Variants in GLI2 observed in about 807,000 individuals in gnomAD.
GLI2 encodes the protein GLI family zinc finger 2, also known as transcription activator GLI2.
A neutral mutation model predicts 78.9 loss-of-function variants in GLI2; 22 were observed. The observed-to-expected ratio is 0.28, with a 90% CI of 0.20 to 0.40. The LOEUF (loss-of-function observed/expected upper bound fraction) is 0.40, where lower values mean the gene tolerates loss of function less well. GLI2 is among the 10% of genes least tolerant of loss of function. The pLI is 1.00. For synonymous variants in GLI2, 974 were observed against 963.7 expected (o/e 1.01, Z -0.20); for missense variants, 2,097 against 2,213.2 (o/e 0.95, Z 1.05).
chr2:120,740,826 T>A (rs1201473893), intron 1 of GLI2, among the ~76,000 whole-genome samples: 1 of 152,240 alleles, frequency 6.6e-6, no homozygotes, highest in Non-Finnish European at 1.5e-5. Context: ...ATTCCCTCTT[T>A]GGGCAGCCGA....
At chr2:120,801,069 C>CTAGAATTG (rs1052794576) in intron 2 of GLI2, among the ~76,000 whole-genome samples, 91 of 152,300 alleles carry the variant, frequency 6.0e-4, no homozygotes, top group African/African-American at 2.1e-3. Flanking sequence ...CATTCCACGG[C>CTAGAATTG]TAGAATTGCA....
At chr2:120,935,277 G>T (rs1680144264) in intron 3 of GLI2, among the ~76,000 whole-genome samples, 1 of 152,212 alleles carries the variant, frequency 6.6e-6, no homozygotes, top group Non-Finnish European at 1.5e-5. Context: ...TCTCCAGGGA[G>T]CTCTTCCTTA....
chr2:120,884,684 C>T (rs1225179414), intron 2 of GLI2, among the ~76,000 whole-genome samples: 4 of 152,116 alleles, frequency 2.6e-5, no homozygotes, highest in Non-Finnish European at 5.9e-5. Flanking sequence ...GCTGGGTCCC[C>T]GCAGTTCACC....
chr2:120,976,110 G>A (rs1682445770), intron 9 of GLI2, among the ~76,000 whole-genome samples: 1 of 152,194 alleles, frequency 6.6e-6, no homozygotes, highest in Admixed American at 6.5e-5. Context: ...TCCTTGGTGA[G>A]TGAGTGTCTA....
intron 2 of GLI2, among the ~76,000 whole-genome samples, chr2:120,848,258 C>G (rs971054994): frequency 1.3e-5 from 2 of 152,198 alleles, no homozygotes; most frequent in African/African-American, 2.4e-5. Flanking sequence ...AAGCAGAAGC[C>G]TCCTGCCCTG....
At chr2:120,801,765 T>C (rs4848631) in intron 2 of GLI2, among the ~76,000 whole-genome samples, 79,029 of 152,014 alleles carry the variant, frequency 0.52, 22,390 homozygotes, top group South Asian at 0.7. Flanking sequence ...CAGGCTGGTG[T>C]GGTCAGAGCC....
chr2:120,943,958 G>C (rs1459875337), intron 3 of GLI2, among the ~76,000 whole-genome samples: 1 of 152,178 alleles, frequency 6.6e-6, no homozygotes, highest in Non-Finnish European at 1.5e-5. Context: ...CCTTGGCTCA[G>C]GCGGTGCTCA....
intron 2 of GLI2, among the ~76,000 whole-genome samples, chr2:120,846,404 G>C (rs536152722): frequency 1.9e-3 from 282 of 152,322 alleles, no homozygotes; most frequent in African/African-American, 6.5e-3. Context: ...GAGGTGCCCA[G>C]GTATCTGCAT....
intron 2 of GLI2, among the ~76,000 whole-genome samples, chr2:120,857,017 A>G (rs865810644): frequency 1.8e-4 from 28 of 152,140 alleles, no homozygotes; most frequent in African/African-American, 6.5e-4. Context: ...GTGGAGGGAA[A>G]GCTGGGCAGA....
At chr2:120,958,497 T>C (rs1256909926) in intron 5 of GLI2, among the ~76,000 whole-genome samples, 1 of 152,100 alleles carries the variant, frequency 6.6e-6, no homozygotes, top group Non-Finnish European at 1.5e-5. Context: ...CAGTGACATA[T>C]CGCCCTCGTA....
intron 2 of GLI2, among the ~76,000 whole-genome samples, chr2:120,838,762 T>A (rs1353772436): frequency 1.3e-5 from 2 of 152,246 alleles, no homozygotes; most frequent in Non-Finnish European, 2.9e-5. Context: ...GGTTTAGACA[T>A]GTTTAGATAT....
At chr2:120,860,813 G>A (rs968706468) in intron 2 of GLI2, among the ~76,000 whole-genome samples, 1 of 152,316 alleles carries the variant, frequency 6.6e-6, no homozygotes, top group African/African-American at 2.4e-5. Context: ...ACATGGTGAT[G>A]AGGAAGGAGC....
At chr2:120,928,923 A>G (rs1294470308) in intron 3 of GLI2, among the ~76,000 whole-genome samples, 1 of 152,142 alleles carries the variant, frequency 6.6e-6, no homozygotes, top group Admixed American at 6.5e-5. Context: ...GCTTATCCAG[A>G]TTTGCTCAGT....
chr2:120,837,877 A>C (rs537775376), intron 2 of GLI2, among the ~76,000 whole-genome samples: 40 of 152,176 alleles, frequency 2.6e-4, no homozygotes, highest in African/African-American at 9.2e-4. Flanking sequence ...GTGCCATCTC[A>C]CATTGTCTTA....
chr2:120,830,983 CT>C (rs5833855), intron 2 of GLI2, among the ~76,000 whole-genome samples: 100,926 of 137,954 alleles, frequency 0.73, 36,508 homozygotes, highest in South Asian at 0.82. Flanking sequence ...CTCTCTGTCT[CT>C]TTTTTTTTTT....
chr2:120,850,618 C>T (rs1558833283), intron 2 of GLI2, among the ~76,000 whole-genome samples: 1 of 152,162 alleles, frequency 6.6e-6, no homozygotes, highest in Non-Finnish European at 1.5e-5. Flanking sequence ...GGAGGGAGAC[C>T]CCCAAGAAGG....
chr2:120,882,689 C>T (rs971890084), intron 2 of GLI2, among the ~76,000 whole-genome samples: 2 of 152,238 alleles, frequency 1.3e-5, no homozygotes, highest in African/African-American at 2.4e-5. Flanking sequence ...AGGACGTCCC[C>T]TCTGGGTCCT....
chr2:120,973,814 AG>A (rs1247092615), intron 8 of GLI2, among the ~76,000 whole-genome samples: 1 of 152,206 alleles, frequency 6.6e-6, no homozygotes, highest in Non-Finnish European at 1.5e-5. Flanking sequence ...TTCTCGGAAG[AG>A]GTCTTTGCAG....
At chr2:120,971,213 A>G (rs1481580743) in intron 7 of GLI2, among the ~76,000 whole-genome samples, 1 of 152,186 alleles carries the variant, frequency 6.6e-6, no homozygotes, top group Non-Finnish European at 1.5e-5. Flanking sequence ...GCAGAGTGGG[A>G]TTCCTGATGC....
Sources: gnomAD v4.1 joint callset for allele counts (sites outside exome capture counted in the v4.1 genomes callset) on GRCh38, gnomAD v4.1.1 for gene constraint, MANE v1.5 for transcripts, NCBI Gene and HGNC (gene_info 2026-07-23, HGNC 2026-07-21) for gene names.